The following HAGHL variants were observed in gnomAD, a reference collection of about 807,000 sequenced individuals.
The protein encoded by HAGHL is hydroxyacylglutathione hydrolase like.
A neutral mutation model predicts 29.2 loss-of-function variants in HAGHL; 27 were observed. The observed-to-expected ratio is 0.92, with a 90% CI of 0.68 to 1.27. HAGHL has a LOEUF of 1.27. Ranked by LOEUF, HAGHL falls within the 50% of genes most tolerant of loss-of-function variation. The pLI, the probability that HAGHL is intolerant of heterozygous loss-of-function variation, is 0.00. For missense variants in HAGHL, 529 were observed against 405.5 expected, an observed-to-expected ratio of 1.30 and a Z score of -2.62; for synonymous variants, 223 against 185.7, an observed-to-expected ratio of 1.20 and a Z score of -1.63.
Position 729,273 on chromosome 16 carries a change from C to T in HAGHL, c.681-15C>T, listed in dbSNP as rs1345271005. 7.9e-6 allele frequency: 12 copies of T among 1,518,362 alleles called. No individual in the cohort carries two copies. Among genetic ancestry groups the T allele is most frequent in the Non-Finnish European group, 9.7e-6 (11 of 1,134,224 alleles). 94.1% of individuals were successfully genotyped at this position (1,518,362 alleles called of 1,614,324 possible). A position where few individuals can be genotyped will look rare whatever the true frequency, so the allele number is the denominator to read the frequency against. Reference sequence around the variant, plus strand: ...GGGCAGCGGGCCCTGCGCCTCACTGCACCCCTCCCTGCAGAGAGGAGCCGG... The same window carrying T: ...GGGCAGCGGGCCCTGCGCCTCACTGTACCCCTCCCTGCAGAGAGGAGCCGG... On this transcript the variant is annotated splice_polypyrimidine_tract_variant and intron_variant, in intron 7 of 7. Transcript: ENST00000389703.
Position 729,466 on chromosome 16 carries a change from AC to A in HAGHL, c.*13del, listed in dbSNP as rs1260427668. ...AGCCCCACACGACTGAGCCACCCAG[AC>A]CCTCACAGGGCTGGGGCCTGCGTCC... On this transcript the variant is annotated 3_prime_UTR_variant, in exon 8 of 8. Coordinates refer to ENST00000389703, the MANE Select transcript of HAGHL (RefSeq NM_032304.4). The A allele has an allele frequency of 1.9e-6, 3 of 1,539,572 alleles. No individual in the cohort carries two copies. In the South Asian group the frequency reaches 3.6e-5, roughly 18 times the overall value.
chr16:729,713 G>T lies in HAGHL; in HGVS notation c.*257G>T. ...CGAACTATGAATAAAGCTTTGAAAG[G>T]CCGTTGTCAGTGTTGGCAGATGTGC... On this transcript the variant is annotated 3_prime_UTR_variant, in exon 8 of 8. Coordinates refer to ENST00000389703, the MANE Select transcript of HAGHL (RefSeq NM_032304.4). The T allele has an allele frequency of 6.8e-7, 1 of 1,460,892 alleles. No individual in the cohort carries two copies. Among genetic ancestry groups the T allele is most frequent in the Non-Finnish European group, 9.0e-7 (1 of 1,109,840 alleles). 90.5% of individuals were successfully genotyped at this position (1,460,892 alleles called of 1,614,324 possible).
In HAGHL at chr16:728,518, G is replaced by A; in HGVS notation, c.412G>A (p.Val138Met). ...TCCCCCGCCAGGCGACGCGCTGTCG[G>A]TGGCCGGCTGCGGCTCGTGCCTGGA... ...PALFSGDALSVAGCGSCLEGS... is the reference protein window; with the variant it reads ...PALFSGDALSMAGCGSCLEGS... Residue 138 changes from valine to methionine, a missense_variant, in exon 5 of 8, where the codon GTG becomes ATG. Val to Met is a conservative substitution (Grantham distance 21, BLOSUM62 1). Coordinates refer to ENST00000389703, the MANE Select transcript of HAGHL (RefSeq NM_032304.4). 6.5e-7 allele frequency: 1 copy of A among 1,531,704 alleles called. No individual in the cohort carries two copies. Among genetic ancestry groups the A allele is most frequent in the Non-Finnish European group, 8.7e-7 (1 of 1,145,198 alleles). 94.9% of individuals were successfully genotyped at this position (1,531,704 alleles called of 1,614,324 possible). A position where few individuals can be genotyped will look rare whatever the true frequency, so the allele number is the denominator to read the frequency against.
In HAGHL at chr16:729,054, G is replaced by A. The variant is rs1156662229; in HGVS notation, c.646G>A (p.Glu216Lys). The change falls in exon 7 of 8, where the codon GAG (glutamate) becomes AAG (lysine). Residue 216 changes from glutamate (E) to lysine (K), a missense_variant. By Grantham distance (56) the Glu-to-Lys change is moderately conservative (BLOSUM62 1). Coordinates refer to ENST00000389703, the MANE Select transcript of HAGHL (RefSeq NM_032304.4). ...DVPTVPSTLG[E>K]ERLYNPFLRV... ...GCCCACTGTGCCGTCGACTCTGGGC[G>A]AGGAGCGCCTCTACAACCCCTTCCT... 1 of 1,610,168 alleles carries A rather than the reference G, an allele frequency of 6.2e-7. No homozygotes were observed. Among genetic ancestry groups the A allele is most frequent in the East Asian group, 2.2e-5 (1 of 44,834 alleles).
In HAGHL at chr16:728,892, T is replaced by G; in HGVS notation, c.597T>G (p.Ala199=). ...NDHVRAKLSW[A]KKRDEDDVPT... ...ACGTGAGAGCCAAGCTGTCCTGGGC[T>G]AAGGCACGGCCCCTTTCCCGCCGCG... Residue 199 remains alanine, a synonymous_variant, in exon 6 of 8, where the codon GCT becomes GCG. Transcript: ENST00000389703. 7.3e-7 allele frequency: 1 copy of G among 1,368,400 alleles called. No individual in the cohort carries two copies. The highest frequency in any genetic ancestry group is 9.7e-7 in the Non-Finnish European group (1 of 1,029,068). The allele number at this position is 1,368,400 out of a possible 1,614,324, so 84.8% of individuals were successfully genotyped here. A position where few individuals can be genotyped will look rare whatever the true frequency, so the allele number is the denominator to read the frequency against.
At chr16:727,759 A>T in intron 1 of HAGHL, 145 bp downstream of exon 1, 1 of 720,372 alleles carries the variant, frequency 1.4e-6, no homozygotes, top group Non-Finnish European at 2.3e-6. Flanking sequence ...GGGCTCCCTG[A>T]AGTTACGGCA....
chr16:729,220 C>T, intron 7 of HAGHL, 68 bp from the exon 8 acceptor site: 2 of 1,548,824 alleles, frequency 1.3e-6, no homozygotes, highest in Non-Finnish European at 1.7e-6. Context: ...TGCCTGCCCG[C>T]CCACCCCTCG....
rs972943962 is a variant in HAGHL at position 728,825 on chromosome 16, G to A, written c.530G>A (p.Ser177Asn). 3 of 1,611,730 alleles carry A rather than the reference G, an allele frequency of 1.9e-6. No individual in the cohort carries two copies. The highest frequency in any genetic ancestry group is 1.3e-5 in the African/African-American group (1 of 74,888). ...KVFCGHEHTL[S>N]NLEFAQKVEP... Reference sequence around the variant, plus strand: ...TTCTGCGGCCACGAGCACACGCTTAGCAACCTGGAGTTTGCCCAGAAAGTG... The same window carrying A: ...TTCTGCGGCCACGAGCACACGCTTAACAACCTGGAGTTTGCCCAGAAAGTG... Residue 177 changes from serine to asparagine, a missense_variant, in exon 6 of 8, where the codon AGC (serine) becomes AAC (asparagine). Physicochemically the swap from Ser to Asn is conservative, Grantham distance 46. Coordinates refer to ENST00000389703, the MANE Select transcript of HAGHL (RefSeq NM_032304.4).
Position 728,144 on chromosome 16 carries a change from G to A in HAGHL, c.199G>A (p.Ala67Thr), listed in dbSNP as rs746594354. Residue 67 changes from alanine to threonine, a missense_variant, in exon 3 of 8, where the codon GCG becomes ACG. Physicochemically the swap from Ala to Thr is moderately conservative, Grantham distance 58. Transcript: ENST00000389703. ...CCACGCGCGGGGAAACCCGGAGCTGGCGCGGCTTCGTCCCGGGCTGGCGGT... is the reference window on the plus strand; with the variant it reads ...CCACGCGCGGGGAAACCCGGAGCTGACGCGGCTTCGTCCCGGGCTGGCGGT... ...WDHARGNPEL[A>T]RLRPGLAVLG... 67 of 1,474,284 alleles carry A rather than the reference G, an allele frequency of 4.5e-5. No homozygotes were observed. The highest frequency in any genetic ancestry group is 4.8e-4 in the Middle Eastern group (2 of 4,134). The allele number at this position is 1,474,284 out of a possible 1,614,324, so 91.3% of individuals were successfully genotyped here. A position where few individuals can be genotyped will look rare whatever the true frequency, so the allele number is the denominator to read the frequency against.
At position 728,244 on chromosome 16, in the gene HAGHL, G is replaced by T; in HGVS notation, c.288+11G>T. On this transcript the variant is annotated intron_variant, in intron 3 of 7. Transcript: ENST00000389703. ...GGCGAGGAGCTGCGGGTGAGCGCGC[G>T]CTCCCGGGAGGGGCGGGGAGGGCGC... 1 of 1,487,112 alleles carries T rather than the reference G, an allele frequency of 6.7e-7. No homozygotes were observed. The highest frequency in any genetic ancestry group is 8.9e-7 in the Non-Finnish European group (1 of 1,126,954). 92.1% of individuals were successfully genotyped at this position (1,487,112 alleles called of 1,614,324 possible).
chr16:728,675 A>C, intron 5 of HAGHL, 71 bp downstream of exon 5: 1 of 1,237,714 alleles, frequency 8.1e-7, no homozygotes, highest in Non-Finnish European at 1.1e-6. Context: ...TCACTGTGCT[A>C]GGGGTGCAGA....
intron 5 of HAGHL, 80 bp downstream of exon 5, chr16:728,684 G>A: frequency 7.8e-7 from 1 of 1,289,068 alleles, no homozygotes; most frequent in South Asian, 1.3e-5. Context: ...TAGGGGTGCA[G>A]AGTGAATGCC....
chr16:728,550 C>G lies in HAGHL; in HGVS notation c.444C>G (p.Ser148Arg). The G allele has an allele frequency of 3.9e-6, 6 of 1,525,812 alleles. No individual in the cohort carries two copies. The highest frequency in any genetic ancestry group is 5.3e-6 in the Non-Finnish European group (6 of 1,142,686). 94.5% of individuals were successfully genotyped at this position (1,525,812 alleles called of 1,614,324 possible). A position where few individuals can be genotyped will look rare whatever the true frequency, so the allele number is the denominator to read the frequency against. Reference protein sequence around the residue: ...VAGCGSCLEGSAQQMYQSLAE... With the variant: ...VAGCGSCLEGRAQQMYQSLAE... ...GCTGCGGCTCGTGCCTGGAGGGCAG[C>G]GCCCAGCAGATGTACCAGAGCCTGG... Residue 148 changes from serine (S) to arginine (R), a missense_variant, in exon 5 of 8, where the codon AGC becomes AGG. By Grantham distance (110) the Ser-to-Arg change is moderately radical (BLOSUM62 -1). Transcript: ENST00000389703.
At position 728,025 on chromosome 16, in the gene HAGHL, C is replaced by G. The variant is rs527858010; in HGVS notation, c.166C>G (p.His56Asp). Residue 56 changes from histidine to aspartate, a missense_variant, in exon 2 of 8, where the codon CAC becomes GAC. Physicochemically the swap from His to Asp is moderately conservative, Grantham distance 81. Transcript: ENST00000389703. ...GACCGCTGTGCTGACCACCCACCAT[C>G]ACTGGTGAGCGCCGGCGGGGCGCGG... ...SLTAVLTTHH[H>D]WDHARGNPEL... 1.3e-6 allele frequency: 2 copies of G among 1,590,268 alleles called. No individual in the cohort carries two copies. The highest frequency in any genetic ancestry group is 1.1e-5 in the South Asian group (1 of 88,416).
chr16:728,116 G>C lies in HAGHL; in HGVS notation c.171G>C (p.Trp57Cys). 1 of 1,473,820 alleles carries C rather than the reference G, an allele frequency of 6.8e-7. No individual in the cohort carries two copies. The highest frequency in any genetic ancestry group is 8.9e-7 in the Non-Finnish European group (1 of 1,117,864). The allele number at this position is 1,473,820 out of a possible 1,614,324, so 91.3% of individuals were successfully genotyped here. A position where few individuals can be genotyped will look rare whatever the true frequency, so the allele number is the denominator to read the frequency against. ...LTAVLTTHHH[W>C]DHARGNPELA... ...CCGGCCCCCGCCCGCCCGCCCGCAGGGACCACGCGCGGGGAAACCCGGAGC... is the reference window on the plus strand; with the variant it reads ...CCGGCCCCCGCCCGCCCGCCCGCAGCGACCACGCGCGGGGAAACCCGGAGC... Residue 57 changes from tryptophan (W) to cysteine (C), a missense_variant and splice_region_variant, in exon 3 of 8, where the codon TGG becomes TGC. By Grantham distance (215) the Trp-to-Cys change is radical. Transcript: ENST00000389703.
In HAGHL at chr16:728,172, T is replaced by C. The variant is rs1220822071; in HGVS notation, c.227T>C (p.Leu76Pro). ...CGGCTTCGTCCCGGGCTGGCGGTGC[T>C]GGGCGCGGACGAGCGCATCTTCTCG... ...LARLRPGLAVLGADERIFSLT... is the reference protein window; with the variant it reads ...LARLRPGLAVPGADERIFSLT... The change falls in exon 3 of 8, where the codon CTG (leucine) becomes CCG (proline). Residue 76 changes from leucine (L) to proline (P), a missense_variant. Physicochemically the swap from Leu to Pro is moderately conservative, Grantham distance 98. Coordinates refer to ENST00000389703, the MANE Select transcript of HAGHL (RefSeq NM_032304.4). The C allele has an allele frequency of 1.4e-6, 2 of 1,462,968 alleles. No homozygotes were observed. The highest frequency in any genetic ancestry group is 3.0e-5 in the African/African-American group (2 of 67,102). The allele number at this position is 1,462,968 out of a possible 1,614,324, so 90.6% of individuals were successfully genotyped here.
rs2041136910 is a variant in HAGHL, at chr16:728,167, G to A, written c.222G>A (p.Ala74=). 6.8e-7 allele frequency: 1 copy of A among 1,463,552 alleles called. No homozygotes were observed. The allele number at this position is 1,463,552 out of a possible 1,614,324, so 90.7% of individuals were successfully genotyped here. The part of the protein sequence containing the change: ...PELARLRPGL[A]VLGADERIFS... The stretch of plus-strand genomic sequence containing the variant: ...TGGCGCGGCTTCGTCCCGGGCTGGC[G>A]GTGCTGGGCGCGGACGAGCGCATCT... The change falls in exon 3 of 8, where the codon GCG becomes GCA. Residue 74 remains alanine, a synonymous_variant. Transcript: ENST00000389703.
At position 727,615 on chromosome 16, in the gene HAGHL, G is replaced by T. The variant is rs761851848; in HGVS notation, c.105+1G>T. 1 of 1,601,450 alleles carries T rather than the reference G, an allele frequency of 6.2e-7. No homozygotes were observed. The highest frequency in any genetic ancestry group is 8.5e-7 in the Non-Finnish European group (1 of 1,172,058). On this transcript the variant is annotated splice_donor_variant, in intron 1 of 7. Coordinates refer to ENST00000389703, the MANE Select transcript of HAGHL (RefSeq NM_032304.4). LOFTEE classifies it high-confidence loss of function. ...CGTGGACGTGGCTGTGCCCAAGAGG[G>T]TGAGGGCAGGCCGCGGGCCGCAGGG...
rs747786170 is a variant in HAGHL, at chr16:728,042, G to A, written c.170+13G>A. 2 of 1,579,740 alleles carry A rather than the reference G, an allele frequency of 1.3e-6. No individual in the cohort carries two copies. The highest frequency in any genetic ancestry group is 1.4e-5 in the African/African-American group (1 of 71,218). On this transcript the variant is annotated intron_variant, in intron 2 of 7. Coordinates refer to ENST00000389703, the MANE Select transcript of HAGHL (RefSeq NM_032304.4). ...CCCACCATCACTGGTGAGCGCCGGC[G>A]GGGCGCGGGGAGGCACGAGGACGCC...
Sources: allele counts gnomAD v4.1 joint callset, GRCh38; gene constraint gnomAD v4.1.1; transcripts MANE v1.5; gene names NCBI Gene and HGNC (gene_info 2026-07-23, HGNC 2026-07-21).